TDRP: variants seen among roughly 807,000 people sequenced by gnomAD.
TDRP encodes testis development related protein.
A neutral mutation model predicts 10.5 loss-of-function variants in TDRP; 12 were observed. The observed-to-expected ratio is 1.15, with a 90% confidence interval of 0.73 to 1.86. The LOEUF (loss-of-function observed/expected upper bound fraction) is 1.86, where lower values mean the gene tolerates loss of function less well. TDRP is among the 40% of genes most tolerant of loss of function. TDRP has a pLI of 0.00. For missense variants in TDRP, 353 were observed against 229.2 expected (o/e 1.54, Z -3.49); for synonymous variants, 139 against 95.4 (o/e 1.46, Z -2.67).
chr8:539,129 G>C (rs1351179943), intron 1 of TDRP, among the ~76,000 whole-genome samples: 1 of 152,232 alleles, frequency 6.6e-6, no homozygotes, highest in African/African-American at 2.4e-5. Flanking sequence ...TGCAATTGCT[G>C]TGGACTGAAT....
At chr8:506,866 A>C (rs542104136) in intron 1 of TDRP, among the ~76,000 whole-genome samples, 2 of 152,282 alleles carry the variant, frequency 1.3e-5, no homozygotes, top group South Asian at 2.1e-4. Context: ...AAGCTTAAAC[A>C]TAAGGGAGCT....
Position 491,673 on chromosome 8 carries a change from G to A in TDRP, c.*726C>T, listed in dbSNP as rs1186469350. The A allele has an allele frequency of 1.3e-6, 2 of 1,507,420 alleles. No homozygotes were observed. The highest frequency in any genetic ancestry group is 2.8e-5 in the African/African-American group (2 of 71,310). The allele number at this position is 1,507,420 out of a possible 1,614,324, so 93.4% of individuals were successfully genotyped here. On this transcript the variant is annotated 3_prime_UTR_variant, in exon 3 of 3. Transcript: ENST00000324079. ...AAATTGATCCATACTTCTTTAATCT[G>A]TAAACAAAAAAGAGAGCAAATGTTT...
intron 1 of TDRP, among the ~76,000 whole-genome samples, chr8:543,257 G>A (rs1170745997): frequency 6.6e-6 from 1 of 152,122 alleles, no homozygotes; most frequent in Non-Finnish European, 1.5e-5. Context: ...AGGCCGTAGT[G>A]AGCCGAGATT....
rs1324628037 is a variant in TDRP at position 492,303 on chromosome 8, ACTCT to A, written c.*92_*95del. 5.2e-6 allele frequency: 7 copies of A among 1,356,756 alleles called. No homozygotes were observed. Among genetic ancestry groups the A allele is most frequent in the African/African-American group, 1.5e-5 (1 of 67,520 alleles). The allele number at this position is 1,356,756 out of a possible 1,614,324, so 84.0% of individuals were successfully genotyped here. A position where few individuals can be genotyped will look rare whatever the true frequency, so the allele number is the denominator to read the frequency against. ...AATATCAAATATAGGCAAAAAGTAG[ACTCT>A]CTATTCTTTCTAACGCGGAAAAGAC... On this transcript the variant is annotated 3_prime_UTR_variant, in exon 3 of 3. Coordinates refer to ENST00000324079, the MANE Select transcript of TDRP (RefSeq NM_001384899.1).
intron 1 of TDRP, among the ~76,000 whole-genome samples, chr8:515,336 G>A (rs1031762920): frequency 7.2e-5 from 11 of 152,200 alleles, no homozygotes; most frequent in African/African-American, 2.7e-4. Flanking sequence ...TATACATTAT[G>A]CATGTAAAGT....
At chr8:505,574 G>C (rs1011448060) in intron 1 of TDRP, among the ~76,000 whole-genome samples, 8 of 152,170 alleles carry the variant, frequency 5.3e-5, no homozygotes, top group Middle Eastern at 3.2e-3. Flanking sequence ...GCCAATGTCA[G>C]CCTCCATCAA....
chr8:539,870 T>G (rs1269923477), intron 1 of TDRP, among the ~76,000 whole-genome samples: 1 of 152,226 alleles, frequency 6.6e-6, no homozygotes, highest in Non-Finnish European at 1.5e-5. Flanking sequence ...TCCTTGGCTC[T>G]CCCCATCTCC....
chr8:495,492 T>C (rs1437530619), intron 1 of TDRP, among the ~76,000 whole-genome samples: 1 of 152,152 alleles, frequency 6.6e-6, no homozygotes, highest in African/African-American at 2.4e-5. Context: ...CATCAAGATA[T>C]AATTAATACC....
intron 1 of TDRP, among the ~76,000 whole-genome samples, chr8:521,169 G>A (rs753800362): frequency 5.4e-5 from 8 of 149,244 alleles, no homozygotes; most frequent in Non-Finnish European, 5.9e-5. Flanking sequence ...TTGGGAGGCC[G>A]AGGCAGGCGG....
rs186335451 is a variant in TDRP, at chr8:512,117, G to A, written c.109-17520C>T. Among the ~76,000 whole-genome samples the A allele has an allele frequency of 4.5e-4, 68 of 151,776 alleles. 1 individual carries two copies. Among genetic ancestry groups the A allele is most frequent in the Admixed American group, 2.1e-3 (32 of 15,230 alleles). ...GAGAAATAAACAAAACCAAAATTTC[G>A]TTCTTTAAAAAAAAAAACAAAATTG... On this transcript the variant is annotated intron_variant, in intron 1 of 2. Coordinates refer to ENST00000324079, the MANE Select transcript of TDRP (RefSeq NM_001384899.1).
intron 1 of TDRP, among the ~76,000 whole-genome samples, chr8:521,672 T>A (rs1801909154): frequency 6.6e-6 from 1 of 152,192 alleles, no homozygotes; most frequent in Non-Finnish European, 1.5e-5. Flanking sequence ...GTGTGAGGCT[T>A]CCAGTTTTTG....
At chr8:539,012 C>T (rs1802420463) in intron 1 of TDRP, among the ~76,000 whole-genome samples, 1 of 152,176 alleles carries the variant, frequency 6.6e-6, no homozygotes, top group African/African-American at 2.4e-5. Context: ...AATAACTATC[C>T]TGCAGGCCTA....
rs1031157035 is a variant in TDRP, at chr8:492,265, A to G, written c.*134T>C. ...GTGTGTGAGAGTTCATTAAATAAAG[A>G]AACAGAGGTCCAAATATCAAATATA... is the stretch of plus-strand genomic sequence containing the variant. On this transcript the variant is annotated 3_prime_UTR_variant, in exon 3 of 3. Coordinates refer to ENST00000324079, the MANE Select transcript of TDRP (RefSeq NM_001384899.1). 7.5e-7 allele frequency: 1 copy of G among 1,335,684 alleles called. No individual in the cohort carries two copies. The allele number at this position is 1,335,684 out of a possible 1,614,324, so 82.7% of individuals were successfully genotyped here.
intron 1 of TDRP, among the ~76,000 whole-genome samples, chr8:520,771 G>A (rs1054663193): frequency 2.6e-5 from 4 of 152,098 alleles, no homozygotes; most frequent in Admixed American, 1.3e-4. Flanking sequence ...CAAGTCCATT[G>A]CCCATTTTTT....
chr8:517,279 A>G (rs142885363), intron 1 of TDRP, among the ~76,000 whole-genome samples: 3 of 152,176 alleles, frequency 2.0e-5, no homozygotes, highest in African/African-American at 4.8e-5. Flanking sequence ...TATATTTCAC[A>G]TATTTTGGAA....
intron 1 of TDRP, among the ~76,000 whole-genome samples, chr8:510,804 C>T (rs146537046): frequency 2.2e-4 from 33 of 152,164 alleles, no homozygotes; most frequent in African/African-American, 5.8e-4. Flanking sequence ...CAAAGTGCAC[C>T]GGTAATGGTA....
rs1202599458 is a variant in TDRP at position 492,087 on chromosome 8, G to C, written c.*312C>G. ...CACAGAGCAGCATGAAAATCATTTT[G>C]TGAGAAACTGCAAATCATTACTGCT... On this transcript the variant is annotated 3_prime_UTR_variant, in exon 3 of 3. Coordinates refer to ENST00000324079, the MANE Select transcript of TDRP (RefSeq NM_001384899.1). The C allele has an allele frequency of 2.6e-6, 3 of 1,171,856 alleles. No homozygotes were observed. Among genetic ancestry groups the C allele is most frequent in the Admixed American group, 4.3e-5 (1 of 23,020 alleles). 72.6% of individuals were successfully genotyped at this position (1,171,856 alleles called of 1,614,324 possible).
intron 1 of TDRP, among the ~76,000 whole-genome samples, chr8:530,540 CCT>C (rs1222040839): frequency 6.6e-6 from 1 of 152,092 alleles, no homozygotes; most frequent in Non-Finnish European, 1.5e-5. Context: ...GATTCTGGGG[CCT>C]CTCAAACCTT....
chr8:542,303 T>C (rs1226539589), intron 1 of TDRP, among the ~76,000 whole-genome samples: 1 of 152,024 alleles, frequency 6.6e-6, no homozygotes, highest in Non-Finnish European at 1.5e-5. Context: ...TGTGTGACAC[T>C]ACAATGGTGG....
Sources: allele counts gnomAD v4.1 joint callset (sites outside exome capture counted in the v4.1 genomes callset), GRCh38; gene constraint gnomAD v4.1.1; transcripts MANE v1.5; gene names NCBI Gene and HGNC (gene_info 2026-07-23, HGNC 2026-07-21).